The following MSR1 variants were observed in gnomAD, a reference collection of about 807,000 sequenced individuals.
MSR1 encodes macrophage scavenger receptor types I and II.
In MSR1, 53 loss-of-function variants were observed where a neutral mutation model predicts 47.2. The ratio of observed to expected loss-of-function variants is 1.12; its 90% confidence interval spans 0.90 to 1.41. MSR1 has a LOEUF of 1.41. MSR1 is among the 40% of genes most tolerant of loss of function. The probability of loss-of-function intolerance (pLI) is 0.00; values close to 1 mark genes in which losing one functional copy is unlikely to be tolerated. For synonymous variants in MSR1, 239 were observed against 185.6 expected (o/e 1.29, Z -2.34); for missense variants, 786 against 546.9 (o/e 1.44, Z -4.36).
rs1011596337 is a variant in MSR1, at chr8:16,109,857, A to C, written c.*228T>G. On this transcript the variant is annotated 3_prime_UTR_variant, in exon 10 of 10. Transcript: ENST00000262101. The stretch of plus-strand genomic sequence containing the variant: ...AAATGTTCAATTCAGCATATAAGTC[A>C]TTATATTAGAAAATTCCATTTAAAA... 2.8e-5 allele frequency: 16 copies of C among 567,150 alleles called. No homozygotes were observed. The African/African-American group carries it at 3.0e-4, about 11-fold the overall frequency. The allele number at this position is 567,150 out of a possible 1,614,324, so 35.1% of individuals were successfully genotyped here.
At chr8:16,139,734 A>G (rs1334361177) in intron 8 of MSR1, 29 of 853,936 alleles carry the variant, frequency 3.4e-5, no homozygotes, top group Non-Finnish European at 3.7e-5. Context: ...AAGCTCGACT[A>G]CACTTCAAAA....
intron 4 of MSR1, among the ~76,000 whole-genome samples, chr8:16,166,920 T>C (rs943341083): frequency 7.1e-6 from 1 of 140,858 alleles, no homozygotes; most frequent in African/African-American, 2.6e-5. Flanking sequence ...ATGTTGTTTT[T>C]CAGTGTACAC....
chr8:16,152,027 A>G (rs1489436598), intron 6 of MSR1, among the ~76,000 whole-genome samples: 1 of 152,162 alleles, frequency 6.6e-6, no homozygotes, highest in Non-Finnish European at 1.5e-5. Context: ...AACACTTAGA[A>G]AAGTGCCTGG....
At chr8:16,126,871 GCA>G (rs1004763888) in intron 8 of MSR1, among the ~76,000 whole-genome samples, 4 of 152,034 alleles carry the variant, frequency 2.6e-5, no homozygotes, top group African/African-American at 9.7e-5. Context: ...GTATAATTTT[GCA>G]CAGTTTACTT....
intron 8 of MSR1, among the ~76,000 whole-genome samples, chr8:16,130,773 G>T: frequency 6.6e-6 from 1 of 151,738 alleles, no homozygotes; most frequent in Non-Finnish European, 1.5e-5. Flanking sequence ...AAGGATAATG[G>T]CCTCCAGTTC....
At chr8:16,143,029 G>A (rs139528365) in intron 8 of MSR1, among the ~76,000 whole-genome samples, 4 of 152,232 alleles carry the variant, frequency 2.6e-5, no homozygotes, top group Non-Finnish European at 4.4e-5. Flanking sequence ...GCAACATGAG[G>A]TCGGCAGTAG....
chr8:16,164,765 G>A (rs1801258457), intron 4 of MSR1, among the ~76,000 whole-genome samples: 1 of 151,946 alleles, frequency 6.6e-6, no homozygotes, highest in South Asian at 2.1e-4. Flanking sequence ...CATATTAACA[G>A]TGCTTTACTT....
Position 16,190,994 on chromosome 8 carries a change from T to G in MSR1, c.-5+1604A>C, listed in dbSNP as rs1293802166. On this transcript the variant is annotated intron_variant, in intron 1 of 9. Transcript: ENST00000262101. ...CCTTGGCCTCCCAAAGTGCTGGGAT[T>G]ACAGGCGTGAGCCACCGTGCCCGGC... Among the ~76,000 whole-genome samples the G allele has an allele frequency of 3.3e-5, 5 of 152,320 alleles. No individual in the cohort carries two copies. The East Asian group carries it at 9.6e-4, about 29-fold the overall frequency.
intron 8 of MSR1, among the ~76,000 whole-genome samples, chr8:16,123,927 G>C (rs960358936): frequency 6.6e-6 from 1 of 151,798 alleles, no homozygotes; most frequent in South Asian, 2.1e-4. Context: ...TTCTTTTTTT[G>C]TTGCAAGCTA....
chr8:16,114,682 A>C (rs1043220678), intron 9 of MSR1, among the ~76,000 whole-genome samples: 3 of 152,136 alleles, frequency 2.0e-5, no homozygotes, highest in African/African-American at 7.2e-5. Flanking sequence ...CATCCAAATG[A>C]GAGAACCTAT....
At chr8:16,143,322 T>A (rs113624359) in intron 8 of MSR1, among the ~76,000 whole-genome samples, 59 of 152,236 alleles carry the variant, frequency 3.9e-4, no homozygotes, top group African/African-American at 1.4e-3. Context: ...TAGAAAATAG[T>A]ATTCATCACA....
At chr8:16,153,984 G>A (rs1433677070) in intron 6 of MSR1, among the ~76,000 whole-genome samples, 1 of 151,788 alleles carries the variant, frequency 6.6e-6, no homozygotes, top group Non-Finnish European at 1.5e-5. Flanking sequence ...ATATATATGG[G>A]TAGGATTGCT....
chr8:16,126,758 C>G (rs1904575), intron 8 of MSR1, among the ~76,000 whole-genome samples: 2 of 151,998 alleles, frequency 1.3e-5, no homozygotes, highest in Admixed American at 1.3e-4. Flanking sequence ...GATTTCACCA[C>G]GTAGCCTAGG....
chr8:16,166,202 G>A (rs1267609203), intron 4 of MSR1, among the ~76,000 whole-genome samples: 7 of 115,930 alleles, frequency 6.0e-5, no homozygotes, highest in East Asian at 5.3e-4. Context: ...ACGGAGTCTC[G>A]CACTGTCACC....
chr8:16,114,810 G>GA (rs1266694341), intron 9 of MSR1, among the ~76,000 whole-genome samples: 2 of 152,028 alleles, frequency 1.3e-5, no homozygotes, highest in Admixed American at 6.6e-5. Flanking sequence ...TTTAAAACCA[G>GA]AAAAAAATAT....
Position 16,109,841 on chromosome 8 carries a change from A to C in MSR1, c.*244T>G, listed in dbSNP as rs2117041328. The stretch of plus-strand genomic sequence containing the variant: ...GAAGCTATAAACTTCAAAATGTTCA[A>C]TTCAGCATATAAGTCATTATATTAG... On this transcript the variant is annotated 3_prime_UTR_variant, in exon 10 of 10. Transcript: ENST00000262101. 3.9e-6 allele frequency: 2 copies of C among 514,110 alleles called. No individual in the cohort carries two copies. The highest frequency in any genetic ancestry group is 7.1e-5 in the East Asian group (2 of 28,276). The allele number at this position is 514,110 out of a possible 1,614,324, so 31.8% of individuals were successfully genotyped here. A position where few individuals can be genotyped will look rare whatever the true frequency, so the allele number is the denominator to read the frequency against.
At chr8:16,131,616 CTTTACT>C (rs542794249) in intron 8 of MSR1, among the ~76,000 whole-genome samples, 147 of 151,710 alleles carry the variant, frequency 9.7e-4, no homozygotes, top group Middle Eastern at 3.4e-3. Flanking sequence ...TAGTTTTAGG[CTTTACT>C]TTTAAGTCTT....
In MSR1 at chr8:16,120,432, G is replaced by A. The variant is rs1799972881; in HGVS notation, c.1208C>T (p.Ala403Val). 6.2e-7 allele frequency: 1 copy of A among 1,613,732 alleles called. No individual in the cohort carries two copies. The highest frequency in any genetic ancestry group is 1.3e-5 in the African/African-American group (1 of 74,952). Residue 403 changes from alanine to valine, a missense_variant, in exon 9 of 10, where the codon GCT becomes GTT. By Grantham distance (64) the Ala-to-Val change is moderately conservative. Coordinates refer to ENST00000262101, the MANE Select transcript of MSR1 (RefSeq NM_138715.3). ...YPGVQAVHKAAHFGQGTGPIW... is the reference protein window; with the variant it reads ...YPGVQAVHKAVHFGQGTGPIW... ...CTTTAAATTACCTTGTCCAAAGTGAGCTGCCTTGTGCACGGCTTGAACACC... is the reference window on the plus strand; with the variant it reads ...CTTTAAATTACCTTGTCCAAAGTGAACTGCCTTGTGCACGGCTTGAACACC...
chr8:16,139,255 G>C, intron 8 of MSR1: 1 of 983,810 alleles, frequency 1.0e-6, no homozygotes, highest in Non-Finnish European at 1.2e-6. Flanking sequence ...GATTAAAAAT[G>C]TCTGCATTAT....
Sources: allele counts gnomAD v4.1 joint callset (sites outside exome capture counted in the v4.1 genomes callset), GRCh38; gene constraint gnomAD v4.1.1; transcripts MANE v1.5; gene names NCBI Gene and HGNC (gene_info 2026-07-23, HGNC 2026-07-21).